The following SLC9A8 variants were observed in gnomAD, a reference collection of about 807,000 sequenced individuals.
SLC9A8 encodes solute carrier family 9 member A8.
In SLC9A8, 48 loss-of-function variants were observed where a neutral mutation model predicts 66.6. The observed-to-expected ratio is 0.72, with a 90% confidence interval of 0.57 to 0.92. The LOEUF is 0.92. Among genes scored for constraint, SLC9A8 ranks in the 40% least tolerant of loss-of-function variants. The pLI is 0.00. For missense variants in SLC9A8, 599 were observed against 747.3 expected, an observed-to-expected ratio of 0.80 and a Z score of 2.31; for synonymous variants, 274 against 282.6, an observed-to-expected ratio of 0.97 and a Z score of 0.31.
chr20:49,863,335 A>G (rs1404033229), intron 9 of SLC9A8, among the ~76,000 whole-genome samples: 2 of 152,240 alleles, frequency 1.3e-5, no homozygotes, highest in African/African-American at 4.8e-5. Context: ...CTCAGTTCCC[A>G]GAGTATGATA....
chr20:49,884,454 A>G (rs1242786660), intron 14 of SLC9A8, among the ~76,000 whole-genome samples: 2 of 151,732 alleles, frequency 1.3e-5, no homozygotes, highest in Non-Finnish European at 2.9e-5. Context: ...GCTGTGGACG[A>G]CCCCATCTGC....
chr20:49,846,144 T>C (rs2087980175), intron 5 of SLC9A8, among the ~76,000 whole-genome samples: 1 of 152,218 alleles, frequency 6.6e-6, no homozygotes, highest in Non-Finnish European at 1.5e-5. Flanking sequence ...CGTCCCCTAG[T>C]GTGAGTCTTT....
chr20:49,828,646 C>A (rs1440568178), intron 3 of SLC9A8, among the ~76,000 whole-genome samples: 2 of 151,294 alleles, frequency 1.3e-5, no homozygotes, highest in East Asian at 4.0e-4. Flanking sequence ...TGAAACCAGC[C>A]TGGCCAACAT....
intron 10 of SLC9A8, among the ~76,000 whole-genome samples, chr20:49,872,333 C>G (rs2089243439): frequency 6.6e-6 from 1 of 152,170 alleles, no homozygotes; most frequent in African/African-American, 2.4e-5. Flanking sequence ...CTCCTGCTGT[C>G]ACTCAGCCAG....
In SLC9A8 at chr20:49,878,390, A is replaced by G. The variant is rs573480205; in HGVS notation, c.1158+327A>G. Among the ~76,000 whole-genome samples the G allele has an allele frequency of 7.9e-5, 12 of 152,348 alleles. No individual in the cohort carries two copies. The South Asian group carries it at 2.5e-3, about 32-fold the overall frequency. The stretch of plus-strand genomic sequence containing the variant: ...AGGTAAAAGCAGATTTCAAAATTGA[A>G]TATGTAATTGATCATAACCATGTAA... On this transcript the variant is annotated intron_variant, in intron 12 of 15. Coordinates refer to ENST00000361573, the MANE Select transcript of SLC9A8 (RefSeq NM_015266.3).
chr20:49,879,824 C>T (rs1360521641), intron 12 of SLC9A8, among the ~76,000 whole-genome samples: 1 of 151,248 alleles, frequency 6.6e-6, no homozygotes, highest in Non-Finnish European at 1.5e-5. Context: ...CTCTCAAATT[C>T]ATGCTTGTTA....
chr20:49,834,691 A>G (rs1311729623), intron 3 of SLC9A8, among the ~76,000 whole-genome samples: 1 of 152,014 alleles, frequency 6.6e-6, no homozygotes, highest in African/African-American at 2.4e-5. Context: ...ATTGTATTTT[A>G]CAGCGCTTCC....
chr20:49,821,566 G>C (rs2086739862), intron 2 of SLC9A8, among the ~76,000 whole-genome samples: 1 of 152,120 alleles, frequency 6.6e-6, no homozygotes, highest in Non-Finnish European at 1.5e-5. Context: ...TGTCAGTGCA[G>C]CCTCTGAGGG....
chr20:49,881,010 G>T lies in SLC9A8; in HGVS notation c.1245G>T (p.Lys415Asn). The change falls in exon 13 of 16, where the codon AAG becomes AAT. Residue 415 changes from lysine (K) to asparagine (N), a missense_variant. This residue lies in a region of SLC9A8 where 467 missense variants were observed against 626.5 expected (regional missense o/e 0.75). Transcript: ENST00000361573. ...NFFRDHKITP[K>N]MMFIMWFSGL... ...TCCGGGATCATAAAATCACACCGAAGATGATGTTCATCATGTGGTTTAGTG... is the reference window on the plus strand; with the variant it reads ...TCCGGGATCATAAAATCACACCGAATATGATGTTCATCATGTGGTTTAGTG... The T allele has an allele frequency of 6.2e-7, 1 of 1,613,364 alleles. No individual in the cohort carries two copies. The highest frequency in any genetic ancestry group is 8.5e-7 in the Non-Finnish European group (1 of 1,179,252).
At chr20:49,853,298 C>T (rs2088326985) in intron 7 of SLC9A8, among the ~76,000 whole-genome samples, 1 of 151,990 alleles carries the variant, frequency 6.6e-6, no homozygotes, top group African/African-American at 2.4e-5. Context: ...TATGCGGCAC[C>T]ACTTCCGGCT....
rs2089953831 is a variant in SLC9A8 at position 49,888,030 on chromosome 20, A to G, written c.*94A>G. 4.1e-6 allele frequency: 4 copies of G among 976,232 alleles called. No homozygotes were observed. The allele number at this position is 976,232 out of a possible 1,614,324, so 60.5% of individuals were successfully genotyped here. A position where few individuals can be genotyped will look rare whatever the true frequency, so the allele number is the denominator to read the frequency against. ...GGGCCTCGCAGAGATGCGTGCATCC[A>G]GCAGCCCCTTCAAGACATAAGAGGG... On this transcript the variant is annotated 3_prime_UTR_variant, in exon 16 of 16. Coordinates refer to ENST00000361573, the MANE Select transcript of SLC9A8 (RefSeq NM_015266.3).
At chr20:49,879,909 C>G (rs2089565258) in intron 12 of SLC9A8, among the ~76,000 whole-genome samples, 1 of 151,806 alleles carries the variant, frequency 6.6e-6, no homozygotes, top group South Asian at 2.1e-4. Context: ...ATGGTGAGAA[C>G]CAAGATGAAG....
At chr20:49,833,913 T>C (rs1450298394) in intron 3 of SLC9A8, among the ~76,000 whole-genome samples, 1 of 152,102 alleles carries the variant, frequency 6.6e-6, no homozygotes, top group Non-Finnish European at 1.5e-5. Context: ...TTCTATTTAT[T>C]TTTAACCTCA....
chr20:49,828,023 C>A (rs1328353489), intron 3 of SLC9A8, among the ~76,000 whole-genome samples: 1 of 150,148 alleles, frequency 6.7e-6, no homozygotes, highest in Non-Finnish European at 1.5e-5. Context: ...ATTTGTCGAG[C>A]AGGCTTTCCA....
intron 8 of SLC9A8, among the ~76,000 whole-genome samples, chr20:49,861,295 G>A (rs904868056): frequency 6.6e-6 from 1 of 152,192 alleles, no homozygotes; most frequent in South Asian, 2.1e-4. Flanking sequence ...TGTATTTCTA[G>A]CACTTTGGGA....
chr20:49,858,785 C>T (rs2088612415), intron 8 of SLC9A8, among the ~76,000 whole-genome samples: 1 of 151,878 alleles, frequency 6.6e-6, no homozygotes, highest in African/African-American at 2.4e-5. Context: ...TGGTGAAACC[C>T]TGTATCTACT....
rs928860226 is a variant in SLC9A8, at chr20:49,891,149, G to C, written c.*3213G>C. 7 of 152,340 alleles carry C rather than the reference G, an allele frequency of 4.6e-5. No individual in the cohort carries two copies. Among genetic ancestry groups the C allele is most frequent in the African/African-American group, 1.7e-4 (7 of 41,448 alleles). The allele number at this position is 152,340 out of a possible 1,614,324, so 9.4% of individuals were successfully genotyped here. ...GGGCTGGAACTGCTGCCTGATTCCT[G>C]TGTGGGGAGAAGCTCAGTGGCCGTT... is the stretch of plus-strand genomic sequence containing the variant. On this transcript the variant is annotated 3_prime_UTR_variant, in exon 16 of 16. Transcript: ENST00000361573.
chr20:49,891,379 C>T lies in SLC9A8; in HGVS notation c.*3443C>T, dbSNP rs1230042233. 6.6e-6 allele frequency: 1 copy of T among 152,156 alleles called. No individual in the cohort carries two copies. Among genetic ancestry groups the T allele is most frequent in the Non-Finnish European group, 1.5e-5 (1 of 68,062 alleles). 9.4% of individuals were successfully genotyped at this position (152,156 alleles called of 1,614,324 possible). A position where few individuals can be genotyped will look rare whatever the true frequency, so the allele number is the denominator to read the frequency against. On this transcript the variant is annotated 3_prime_UTR_variant, in exon 16 of 16. Transcript: ENST00000361573. ...GTCCTCTGTCTAACGCCCTCCATTTCACGCCCTCCATCTCACAGTCAAGAT... is the reference window on the plus strand; with the variant it reads ...GTCCTCTGTCTAACGCCCTCCATTTTACGCCCTCCATCTCACAGTCAAGAT...
At chr20:49,875,413 C>T (rs1221353047) in intron 11 of SLC9A8, among the ~76,000 whole-genome samples, 4 of 151,972 alleles carry the variant, frequency 2.6e-5, no homozygotes, top group African/African-American at 7.3e-5. Context: ...AAATCCTTAA[C>T]GGGGGATATA....
Sources: allele counts gnomAD v4.1 joint callset (sites outside exome capture counted in the v4.1 genomes callset), GRCh38; gene constraint gnomAD v4.1.1; regional missense constraint gnomAD v4.1.1; transcripts MANE v1.5; gene names NCBI Gene and HGNC (gene_info 2026-07-23, HGNC 2026-07-21).